Variants in IL7 observed in about 807,000 individuals in gnomAD.
The protein encoded by IL7 is interleukin 7, also known as interleukin-7.
In IL7, 3 loss-of-function variants were observed where a neutral mutation model predicts 21.6. The observed-to-expected ratio is 0.14, with a 90% CI of 0.06 to 0.36. The LOEUF (loss-of-function observed/expected upper bound fraction) is 0.36. Ranked by LOEUF, IL7 falls within the 10% of genes least tolerant of loss-of-function variation. The probability of loss-of-function intolerance (pLI) is 1.00; values close to 1 mark genes in which losing one functional copy is unlikely to be tolerated. For missense variants in IL7, 175 were observed against 200.2 expected, an observed-to-expected ratio of 0.87 and a Z score of 0.76; for synonymous variants, 62 against 68.1, an observed-to-expected ratio of 0.91 and a Z score of 0.44.
intron 3 of IL7, among the ~76,000 whole-genome samples, chr8:78,723,353 C>T (rs1325196925): frequency 6.6e-6 from 1 of 151,788 alleles, no homozygotes; most frequent in Non-Finnish European, 1.5e-5. Flanking sequence ...AATCATTAGC[C>T]CTAGAGAACT....
intron 3 of IL7, among the ~76,000 whole-genome samples, chr8:78,704,244 C>T (rs906850115): frequency 7.9e-5 from 12 of 151,666 alleles, no homozygotes; most frequent in African/African-American, 1.5e-4. Context: ...AAAAATTAGC[C>T]GGGTGTGGTT....
chr8:78,775,790 T>TG (rs374677714), intron 2 of IL7, among the ~76,000 whole-genome samples: 26 of 152,004 alleles, frequency 1.7e-4, no homozygotes, highest in East Asian at 3.9e-4. Flanking sequence ...ATAAGGTAAC[T>TG]GGGGGGGCGC....
At chr8:78,699,463 T>TG (rs1810531493) in intron 3 of IL7, among the ~76,000 whole-genome samples, 1 of 152,176 alleles carries the variant, frequency 6.6e-6, no homozygotes, top group Non-Finnish European at 1.5e-5. Flanking sequence ...CATTATTTTC[T>TG]TTTTTTAATT....
chr8:78,735,931 CTTA>C (rs763360802), intron 5 of IL7, among the ~76,000 whole-genome samples: 3 of 151,564 alleles, frequency 2.0e-5, no homozygotes, highest in South Asian at 4.2e-4. Flanking sequence ...AGTATTCTGC[CTTA>C]TTAAGTCATT....
intron 3 of IL7, among the ~76,000 whole-genome samples, chr8:78,690,981 A>G (rs1408812106): frequency 1.3e-5 from 2 of 151,918 alleles, no homozygotes. Flanking sequence ...CTTCTTGTAG[A>G]TTTCTTAGGA....
intron 5 of IL7, chr8:78,720,927 C>T (rs1049538390): frequency 1.3e-5 from 2 of 151,854 alleles, no homozygotes; most frequent in Non-Finnish European, 2.9e-5. Flanking sequence ...TTAACATTAT[C>T]TAACACAAAA....
intron 3 of IL7, chr8:78,712,162 TTA>T: frequency 9.6e-7 from 1 of 1,037,182 alleles, no homozygotes; most frequent in Non-Finnish European, 1.3e-6. Flanking sequence ...CTTAAAAGCT[TTA>T]TATAATGGAA....
intron 3 of IL7, among the ~76,000 whole-genome samples, chr8:78,686,822 A>G (rs1214380209): frequency 6.6e-6 from 1 of 152,110 alleles, no homozygotes; most frequent in Non-Finnish European, 1.5e-5. Flanking sequence ...TTTTATTTTA[A>G]TACTTTTATT....
At chr8:78,740,116 A>G in intron 2 of IL7, 34 bp from the exon 3 acceptor site, 1 of 1,225,738 alleles carries the variant, frequency 8.2e-7, no homozygotes, top group Non-Finnish European at 1.1e-6. Flanking sequence ...TATGGTTAAA[A>G]CTGAGTACTT....
chr8:78,732,229 T>C (rs1338011396), downstream of IL7, among the ~76,000 whole-genome samples: 1 of 152,036 alleles, frequency 6.6e-6, no homozygotes, highest in Admixed American at 6.6e-5. Context: ...GAGTTAACAG[T>C]GATAACCAAA....
chr8:78,758,281 G>A (rs77716970), intron 2 of IL7, among the ~76,000 whole-genome samples: 4,442 of 152,068 alleles, frequency 0.029, 92 homozygotes, highest in Non-Finnish European at 0.047. Context: ...TTAATAATAG[G>A]TGAGAACTTA....
intron 3 of IL7, among the ~76,000 whole-genome samples, chr8:78,709,883 A>G (rs146285483): frequency 6.6e-6 from 1 of 152,296 alleles, no homozygotes; most frequent in Admixed American, 6.5e-5. Context: ...ACAAAATACC[A>G]TCCGGTAAAT....
intron 4 of IL7, among the ~76,000 whole-genome samples, chr8:78,681,615 TG>T (rs1382270836): frequency 6.6e-6 from 1 of 152,186 alleles, no homozygotes; most frequent in Non-Finnish European, 1.5e-5. Flanking sequence ...TGTGTAATAT[TG>T]ATGCTAGATT....
intron 2 of IL7, among the ~76,000 whole-genome samples, chr8:78,783,369 G>T (rs889939182): frequency 6.6e-6 from 1 of 152,160 alleles, no homozygotes; most frequent in Non-Finnish European, 1.5e-5. Context: ...CCCCCTGCAG[G>T]TGGGCCATTA....
chr8:78,752,693 C>T (rs1444531379), intron 2 of IL7, among the ~76,000 whole-genome samples: 5 of 152,070 alleles, frequency 3.3e-5, no homozygotes, highest in South Asian at 2.1e-4. Context: ...TTGTTGCACC[C>T]GTCAACCCGT....
chr8:78,752,705 A>G (rs1812214993), intron 2 of IL7, among the ~76,000 whole-genome samples: 1 of 152,146 alleles, frequency 6.6e-6, no homozygotes, highest in African/African-American at 2.4e-5. Context: ...TCAACCCGTC[A>G]TCTACATTAG....
At chr8:78,689,254 T>G in intron 3 of IL7, 5 of 1,591,070 alleles carry the variant, frequency 3.1e-6, no homozygotes, top group Non-Finnish European at 4.3e-6. Flanking sequence ...TCAGAGGAGA[T>G]TCAATGAAAA....
At chr8:78,720,976 G>A (rs1483764313) in intron 5 of IL7, 2 of 151,832 alleles carry the variant, frequency 1.3e-5, no homozygotes, top group Admixed American at 6.6e-5. Flanking sequence ...TAAGTGGTTA[G>A]ATCAACTACT....
At chr8:78,687,745 AC>A (rs1810055739) in intron 3 of IL7, among the ~76,000 whole-genome samples, 4 of 67,790 alleles carry the variant, frequency 5.9e-5, no homozygotes, top group Non-Finnish European at 1.0e-4. Context: ...TTTATGTAAT[AC>A]ATTATATATA....
Sources: allele counts gnomAD v4.1 joint callset (sites outside exome capture counted in the v4.1 genomes callset), GRCh38; gene constraint gnomAD v4.1.1; transcripts MANE v1.5; gene names NCBI Gene and HGNC (gene_info 2026-07-23, HGNC 2026-07-21).